The following PPP4R2 variants were observed in gnomAD, a reference collection of about 807,000 sequenced individuals.
PPP4R2 encodes protein phosphatase 4 regulatory subunit 2.
A neutral mutation model predicts 47.2 loss-of-function variants in PPP4R2; 13 were observed. The observed-to-expected ratio is 0.28, with a 90% CI of 0.18 to 0.44. PPP4R2 has a LOEUF of 0.44. Ranked by LOEUF, PPP4R2 falls within the 20% of genes least tolerant of loss-of-function variation. The probability of loss-of-function intolerance (pLI) is 1.00; values close to 1 mark genes in which losing one functional copy is unlikely to be tolerated. For synonymous variants in PPP4R2, 151 were observed against 163.3 expected (o/e 0.92, Z 0.57); for missense variants, 421 against 491.2 (o/e 0.86, Z 1.35).
intron 2 of PPP4R2, among the ~76,000 whole-genome samples, chr3:73,044,051 T>C (rs1400537033): frequency 1.3e-5 from 2 of 152,168 alleles, no homozygotes; most frequent in Admixed American, 1.3e-4. Flanking sequence ...TTAATCCATG[T>C]CAGAATTTCT....
At chr3:73,048,482 C>A (rs1702536015) in intron 3 of PPP4R2, among the ~76,000 whole-genome samples, 1 of 152,122 alleles carries the variant, frequency 6.6e-6, no homozygotes, top group South Asian at 2.1e-4. Context: ...TCTCCAACTC[C>A]TGACCTTGTG....
chr3:73,062,375 G>A (rs1367849385), intron 5 of PPP4R2: 1 of 1,606,174 alleles, frequency 6.2e-7, no homozygotes, highest in East Asian at 2.2e-5. Flanking sequence ...CCAGCATTGG[G>A]GATATTAAGG....
intron 4 of PPP4R2, 49 bp from the exon 5 acceptor site, chr3:73,060,974 T>A (rs1702845973): frequency 1.5e-6 from 2 of 1,323,884 alleles, no homozygotes; most frequent in Middle Eastern, 1.9e-4. Context: ...TGAAACTTTA[T>A]GTTGTAGTAC....
chr3:73,028,278 C>T (rs1017123644), intron 2 of PPP4R2, among the ~76,000 whole-genome samples: 4 of 142,268 alleles, frequency 2.8e-5, no homozygotes, highest in South Asian at 2.2e-4. Context: ...AAAAAAAAGA[C>T]GGGGTCTTAC....
intron 2 of PPP4R2, among the ~76,000 whole-genome samples, chr3:73,040,338 A>T (rs1006545966): frequency 1.3e-5 from 2 of 152,172 alleles, no homozygotes; most frequent in African/African-American, 4.8e-5. Flanking sequence ...GAAGGTTGAA[A>T]CAAAAGTCTT....
At chr3:73,033,445 A>T (rs1027821663) in intron 2 of PPP4R2, among the ~76,000 whole-genome samples, 1 of 152,212 alleles carries the variant, frequency 6.6e-6, no homozygotes, top group African/African-American at 2.4e-5. Flanking sequence ...GTCACTCTTC[A>T]GCAACTCTTG....
At chr3:73,062,301 C>T in intron 5 of PPP4R2, 1 of 1,607,466 alleles carries the variant, frequency 6.2e-7, no homozygotes, top group Admixed American at 1.7e-5. Context: ...CCCTGACCTT[C>T]AAGGAAGATT....
At chr3:73,049,742 T>A (rs990179915) in intron 3 of PPP4R2, among the ~76,000 whole-genome samples, 1 of 150,194 alleles carries the variant, frequency 6.7e-6, no homozygotes, top group Non-Finnish European at 1.5e-5. Context: ...AACAAATACA[T>A]GTATTATATA....
chr3:73,049,503 A>G (rs2107314959), intron 3 of PPP4R2, among the ~76,000 whole-genome samples: 1 of 152,246 alleles, frequency 6.6e-6, no homozygotes, highest in South Asian at 2.1e-4. Context: ...CATCTCAAAA[A>G]AAAAGAGAAT....
At position 72,996,946 on chromosome 3, in the gene PPP4R2, A is replaced by C. The variant is rs1198556248; in HGVS notation, c.-92A>C. ...CTGCGTGCCGGAGTGTGTGCGAGGG[A>C]GGGGGAGGGCGTCGGGGGGGTGGGG... is the stretch of plus-strand genomic sequence containing the variant. On this transcript the variant is annotated 5_prime_UTR_variant, in exon 1 of 9. Transcript: ENST00000356692. 1.4e-5 allele frequency: 13 copies of C among 919,474 alleles called. No individual in the cohort carries two copies. The highest frequency in any genetic ancestry group is 1.7e-5 in the Non-Finnish European group (12 of 691,628). The allele number at this position is 919,474 out of a possible 1,614,324, so 57.0% of individuals were successfully genotyped here.
At chr3:73,059,913 C>T (rs1319524865) in intron 4 of PPP4R2, among the ~76,000 whole-genome samples, 59 of 127,246 alleles carry the variant, frequency 4.6e-4, no homozygotes. Flanking sequence ...CCAGCCTGGG[C>T]AACAAAGTGA....
chr3:73,027,674 G>C (rs1575857836), intron 2 of PPP4R2: 1 of 151,844 alleles, frequency 6.6e-6, no homozygotes, highest in East Asian at 1.9e-4. Flanking sequence ...GTGTGTGTGT[G>C]TGTGTGTGTG....
At chr3:73,029,458 A>G (rs1365208018) in intron 2 of PPP4R2, among the ~76,000 whole-genome samples, 1 of 152,228 alleles carries the variant, frequency 6.6e-6, no homozygotes, top group Admixed American at 6.5e-5. Flanking sequence ...GGTACAACCA[A>G]CAGGATTTCC....
Position 73,002,631 on chromosome 3 carries a change from TTTC to T in PPP4R2, c.116+4476_116+4478del, listed in dbSNP as rs1260227608. Among the ~76,000 whole-genome samples the T allele has an allele frequency of 2.2e-3, 181 of 81,614 alleles. 4 individuals carry two copies. The highest frequency in any genetic ancestry group is 2.9e-3 in the African/African-American group (49 of 16,612). 53.5% of individuals were successfully genotyped at this position (81,614 alleles called of 152,430 possible). A position where few individuals can be genotyped will look rare whatever the true frequency, so the allele number is the denominator to read the frequency against. On this transcript the variant is annotated intron_variant, in intron 2 of 8. Coordinates refer to ENST00000356692, the MANE Select transcript of PPP4R2 (RefSeq NM_174907.4). ...TTTCTTTTCTTTTCTTTTCTTTTCT[TTTC>T]TTTTTTTTTTTTTTTTTTTTTTTTT...
At chr3:73,045,763 G>T (rs1702471716) in intron 2 of PPP4R2, among the ~76,000 whole-genome samples, 1 of 151,988 alleles carries the variant, frequency 6.6e-6, no homozygotes, top group South Asian at 2.1e-4. Context: ...CTGACCTCAG[G>T]TGATCCGCCT....
chr3:73,044,779 C>T (rs541050427), intron 2 of PPP4R2, among the ~76,000 whole-genome samples: 1 of 152,218 alleles, frequency 6.6e-6, no homozygotes, highest in Admixed American at 6.5e-5. Flanking sequence ...TATTTAAGTA[C>T]TTTGCCCATT....
intron 2 of PPP4R2, among the ~76,000 whole-genome samples, chr3:73,038,488 C>G (rs1488019546): frequency 6.6e-6 from 1 of 152,004 alleles, no homozygotes; most frequent in Non-Finnish European, 1.5e-5. Flanking sequence ...CTCCACCTCC[C>G]AGGTTCAAGC....
chr3:73,021,554 T>C (rs1701959882), intron 2 of PPP4R2, among the ~76,000 whole-genome samples: 1 of 152,036 alleles, frequency 6.6e-6, no homozygotes, highest in South Asian at 2.1e-4. Context: ...ATTAAATGTA[T>C]ACCATGTGAC....
At chr3:73,046,124 G>C (rs1575874706) in intron 2 of PPP4R2, among the ~76,000 whole-genome samples, 1 of 152,302 alleles carries the variant, frequency 6.6e-6, no homozygotes, top group East Asian at 1.9e-4. Flanking sequence ...TAGTAATACA[G>C]TTTGGTGCTG....
Sources: gnomAD v4.1 joint callset for allele counts (sites outside exome capture counted in the v4.1 genomes callset) on GRCh38, gnomAD v4.1.1 for gene constraint, MANE v1.5 for transcripts, NCBI Gene and HGNC (gene_info 2026-07-23, HGNC 2026-07-21) for gene names.